The following DENND1B variants were observed in gnomAD, a reference collection of about 807,000 sequenced individuals.
DENND1B encodes the protein DENN domain containing 1B.
In DENND1B, 59 loss-of-function variants were observed where a neutral mutation model predicts 90.1. That is an observed-to-expected ratio of 0.65 (90% CI 0.53 to 0.81). The LOEUF (loss-of-function observed/expected upper bound fraction) is 0.81, where lower values mean the gene tolerates loss of function less well. Ranked by LOEUF, DENND1B falls within the 40% of genes least tolerant of loss-of-function variation. The pLI, the probability that DENND1B is intolerant of heterozygous loss-of-function variation, is 0.00. For missense variants in DENND1B, 862 were observed against 912.6 expected (o/e 0.94, Z 0.71); for synonymous variants, 337 against 324.6 (o/e 1.04, Z -0.41).
chr1:197,696,967 C>T (rs1271286808), intron 3 of DENND1B, among the ~76,000 whole-genome samples: 2 of 150,610 alleles, frequency 1.3e-5, no homozygotes, highest in African/African-American at 4.9e-5. Context: ...AGACAGGTTG[C>T]CTTGGAGGCT....
intron 17 of DENND1B, among the ~76,000 whole-genome samples, chr1:197,546,222 T>C (rs1670809757): frequency 6.6e-6 from 1 of 152,204 alleles, no homozygotes; most frequent in Non-Finnish European, 1.5e-5. Flanking sequence ...AATACATCAC[T>C]TAAAAATCAT....
Position 197,590,947 on chromosome 1 carries a change from A to G in DENND1B, c.1047+4261T>C, listed in dbSNP as rs562084354. The stretch of plus-strand genomic sequence containing the variant: ...AACTGTCTAATATACAACACTAAGC[A>G]CTGCATTCCCATGATAAATAATTGT... On this transcript the variant is annotated intron_variant, in intron 14 of 22. Coordinates refer to ENST00000620048, the MANE Select transcript of DENND1B (RefSeq NM_001195215.2). Among the ~76,000 whole-genome samples, 13 of 152,344 alleles carry G rather than the reference A, an allele frequency of 8.5e-5. No homozygotes were observed. The South Asian group carries it at 2.7e-3, about 32-fold the overall frequency.
At chr1:197,524,539 G>A (rs2125620390) in intron 20 of DENND1B, among the ~76,000 whole-genome samples, 1 of 152,262 alleles carries the variant, frequency 6.6e-6, no homozygotes, top group South Asian at 2.1e-4. Context: ...ATTAAGTGAT[G>A]AGGGTGATGG....
chr1:197,762,887 C>T (rs955812738), intron 2 of DENND1B, among the ~76,000 whole-genome samples: 1 of 152,136 alleles, frequency 6.6e-6, no homozygotes, highest in Non-Finnish European at 1.5e-5. Flanking sequence ...TTATCTCCCC[C>T]GTTGTAAGGC....
intron 3 of DENND1B, among the ~76,000 whole-genome samples, chr1:197,686,161 G>A (rs1336225751): frequency 1.3e-5 from 2 of 152,062 alleles, no homozygotes; most frequent in Non-Finnish European, 2.9e-5. Context: ...CTCAATAAGG[G>A]AGGAACTATA....
chr1:197,649,273 A>G (rs183775588), intron 7 of DENND1B, among the ~76,000 whole-genome samples: 76 of 152,310 alleles, frequency 5.0e-4, no homozygotes, highest in African/African-American at 1.8e-3. Context: ...AATTCTATAG[A>G]AAATGGGGAG....
chr1:197,718,959 T>G (rs1400154153), intron 2 of DENND1B, among the ~76,000 whole-genome samples: 2 of 152,084 alleles, frequency 1.3e-5, no homozygotes, highest in African/African-American at 4.8e-5. Flanking sequence ...AGCTAGAGTG[T>G]GTGTTATTAT....
chr1:197,642,429 A>G (rs1239906204), intron 10 of DENND1B, among the ~76,000 whole-genome samples: 1 of 152,172 alleles, frequency 6.6e-6, no homozygotes, highest in African/African-American at 2.4e-5. Context: ...AGAATTCTTT[A>G]TATGGTAGAA....
chr1:197,691,662 T>C (rs1432630338), intron 3 of DENND1B, among the ~76,000 whole-genome samples: 1 of 152,076 alleles, frequency 6.6e-6, no homozygotes, highest in Non-Finnish European at 1.5e-5. Flanking sequence ...CTCTTCCATG[T>C]TCTCTGTAGC....
intron 9 of DENND1B, 79 bp from the exon 10 acceptor site, chr1:197,642,900 A>G: frequency 1.1e-6 from 1 of 915,182 alleles, no homozygotes; most frequent in Non-Finnish European, 1.7e-6. Context: ...CTTACCAGAA[A>G]GTCTTGAAGT....
chr1:197,741,172 G>A (rs1343869654), intron 2 of DENND1B, among the ~76,000 whole-genome samples: 1 of 152,148 alleles, frequency 6.6e-6, no homozygotes, highest in East Asian at 1.9e-4. Flanking sequence ...TTCAAATCAA[G>A]ATAAACACCG....
At chr1:197,588,264 C>T (rs761818438) in intron 14 of DENND1B, among the ~76,000 whole-genome samples, 4 of 152,188 alleles carry the variant, frequency 2.6e-5, no homozygotes, top group East Asian at 1.9e-4. Context: ...TAGTATGCTG[C>T]TCAACTTCAG....
intron 15 of DENND1B, among the ~76,000 whole-genome samples, chr1:197,564,856 T>C (rs1298244699): frequency 6.6e-6 from 1 of 151,984 alleles, no homozygotes; most frequent in Non-Finnish European, 1.5e-5. Flanking sequence ...AGTCTGAGAC[T>C]ACACTCTGAG....
intron 5 of DENND1B, among the ~76,000 whole-genome samples, chr1:197,669,431 C>A (rs375279461): frequency 1.3e-5 from 2 of 152,194 alleles, no homozygotes; most frequent in South Asian, 4.2e-4. Context: ...AGGGGATACA[C>A]TGATTATAGC....
chr1:197,544,564 T>C (rs1441536293), intron 18 of DENND1B, among the ~76,000 whole-genome samples: 1 of 152,144 alleles, frequency 6.6e-6, no homozygotes, highest in African/African-American at 2.4e-5. Context: ...TTTCTGCAAG[T>C]CTTACAGCAG....
chr1:197,588,242 G>A (rs1347357873), intron 14 of DENND1B, among the ~76,000 whole-genome samples: 1 of 152,168 alleles, frequency 6.6e-6, no homozygotes, highest in Non-Finnish European at 1.5e-5. Flanking sequence ...AAATACAGCT[G>A]TTTTTCTACC....
intron 2 of DENND1B, among the ~76,000 whole-genome samples, chr1:197,747,621 C>G (rs760932646): frequency 6.6e-6 from 1 of 152,134 alleles, no homozygotes; most frequent in African/African-American, 2.4e-5. Flanking sequence ...CTGCTACAAA[C>G]CTTCAGTTTT....
intron 2 of DENND1B, chr1:197,733,869 C>T (rs1018576735): frequency 1.2e-5 from 2 of 165,844 alleles, no homozygotes; most frequent in African/African-American, 4.8e-5. Context: ...CACCAATTCA[C>T]ACATGGGTCA....
chr1:197,562,516 A>G (rs1023888539), intron 15 of DENND1B, among the ~76,000 whole-genome samples: 2 of 151,876 alleles, frequency 1.3e-5, no homozygotes, highest in African/African-American at 4.8e-5. Flanking sequence ...GTGATCAGTG[A>G]TCTTTGATGT....
Sources: allele counts gnomAD v4.1 joint callset (sites outside exome capture counted in the v4.1 genomes callset), GRCh38; gene constraint gnomAD v4.1.1; transcripts MANE v1.5; gene names NCBI Gene and HGNC (gene_info 2026-07-23, HGNC 2026-07-21).